Variants in AGO3 observed in about 807,000 individuals in gnomAD.
AGO3 encodes protein argonaute-3.
In AGO3, 16 loss-of-function variants were observed where a neutral mutation model predicts 105.5. That is an observed-to-expected ratio of 0.15 (90% CI 0.10 to 0.23). The LOEUF is 0.23. AGO3 is among the 10% of genes least tolerant of loss of function. The probability of loss-of-function intolerance (pLI) is 1.00; values close to 1 mark genes in which losing one functional copy is unlikely to be tolerated. For missense variants in AGO3, 534 were observed against 1,088.0 expected (o/e 0.49, Z 7.16); for synonymous variants, 340 against 367.3 (o/e 0.93, Z 0.85).
At chr1:36,018,666 C>G (rs1641043118) in intron 11 of AGO3, among the ~76,000 whole-genome samples, 1 of 151,990 alleles carries the variant, frequency 6.6e-6, no homozygotes, top group Non-Finnish European at 1.5e-5. Context: ...CTCCTGACCT[C>G]GTGATTCACC....
At chr1:36,043,862 TAA>T (rs572252684) in intron 17 of AGO3, among the ~76,000 whole-genome samples, 1 of 148,040 alleles carries the variant, frequency 6.8e-6, no homozygotes. Flanking sequence ...TATGCATCTT[TAA>T]AAAAAAAAGA....
rs1248675968 is a variant in AGO3 at position 36,048,754 on chromosome 1, A to G, written c.2274+5206A>G. On this transcript the variant is annotated intron_variant, in intron 17 of 18. Transcript: ENST00000373191. ...TTCCAGGCTGGAGTACAGTGGTGCA[A>G]TCTCAACTCACTGCAACCTCTGCCT... is the stretch of plus-strand genomic sequence containing the variant. Among the ~76,000 whole-genome samples, 5 of 152,072 alleles carry G rather than the reference A, an allele frequency of 3.3e-5. No individual in the cohort carries two copies. In the South Asian group the frequency reaches 6.2e-4, roughly 19 times the overall value.
At chr1:35,935,724 AATACC>A (rs1177645803) in intron 1 of AGO3, among the ~76,000 whole-genome samples, 1 of 152,234 alleles carries the variant, frequency 6.6e-6, no homozygotes, top group African/African-American at 2.4e-5. Context: ...ATTCTAGTTG[AATACC>A]ATTTTGCTTT....
Position 35,952,144 on chromosome 1 carries a change from C to T in AGO3, c.191+6281C>T, listed in dbSNP as rs201731604. On this transcript the variant is annotated intron_variant, in intron 2 of 18. Transcript: ENST00000373191. Reference sequence around the variant, plus strand: ...TCTTTCTTTCTTTCTTTCTTTCTTTCTTTCTTTTTTTTTTTTTTTTTTGAC... The same window carrying T: ...TCTTTCTTTCTTTCTTTCTTTCTTTTTTTCTTTTTTTTTTTTTTTTTTGAC... Among the ~76,000 whole-genome samples the T allele has an allele frequency of 3.0e-3, 205 of 67,952 alleles. 28 individuals are homozygous for T. The African/African-American group carries it at 0.037, about 12-fold the overall frequency. The allele number at this position is 67,952 out of a possible 152,430, so 44.6% of individuals were successfully genotyped here.
chr1:36,042,658 G>T (rs1326617572), intron 16 of AGO3, among the ~76,000 whole-genome samples: 4 of 152,112 alleles, frequency 2.6e-5, no homozygotes, highest in Non-Finnish European at 1.5e-5. Context: ...TAAATGTGTT[G>T]GGATAAGGCG....
At chr1:35,979,209 A>G (rs1467572519) in intron 5 of AGO3, among the ~76,000 whole-genome samples, 1 of 151,962 alleles carries the variant, frequency 6.6e-6, no homozygotes, top group Admixed American at 6.6e-5. Context: ...CTAAAAATAC[A>G]AAAAATTAGC....
At chr1:35,998,941 G>C (rs1197389031) in intron 5 of AGO3, among the ~76,000 whole-genome samples, 1 of 152,138 alleles carries the variant, frequency 6.6e-6, no homozygotes, top group Non-Finnish European at 1.5e-5. Flanking sequence ...ATAGGAATTT[G>C]TTTATGTATA....
chr1:35,937,953 T>C (rs932012508), intron 1 of AGO3, among the ~76,000 whole-genome samples: 18 of 152,132 alleles, frequency 1.2e-4, no homozygotes, highest in Non-Finnish European at 2.5e-4. Context: ...ACACAATATA[T>C]TTCTTTTTCC....
intron 1 of AGO3, among the ~76,000 whole-genome samples, chr1:35,945,258 T>C (rs1431139986): frequency 6.6e-6 from 1 of 151,904 alleles, no homozygotes; most frequent in Non-Finnish European, 1.5e-5. Context: ...TGGCACTGAG[T>C]CTGGAGCGTC....
chr1:35,968,658 C>T (rs1487537250), intron 3 of AGO3, among the ~76,000 whole-genome samples: 2 of 152,198 alleles, frequency 1.3e-5, no homozygotes, highest in African/African-American at 4.8e-5. Flanking sequence ...CTTCATGCAT[C>T]AATGGACACC....
Position 36,062,012 on chromosome 1 carries a change from T to C in AGO3, c.*6267T>C, listed in dbSNP as rs1046394314. ...CAAAATATTTAGTAGAATTACCTCT[T>C]TTAATTCCCAACTGTGTTGGAGGAA... On this transcript the variant is annotated 3_prime_UTR_variant, in exon 19 of 19. Coordinates refer to ENST00000373191, the MANE Select transcript of AGO3 (RefSeq NM_024852.4). 4 of 152,172 alleles carry C rather than the reference T, an allele frequency of 2.6e-5. No homozygotes were observed. Among genetic ancestry groups the C allele is most frequent in the African/African-American group, 9.7e-5 (4 of 41,444 alleles). The allele number at this position is 152,172 out of a possible 1,614,324, so 9.4% of individuals were successfully genotyped here.
At chr1:35,977,968 A>G (rs683622) in intron 5 of AGO3, among the ~76,000 whole-genome samples, 15,810 of 152,192 alleles carry the variant, frequency 0.1, 1,214 homozygotes, top group African/African-American at 0.21. Flanking sequence ...TAGTTAATGA[A>G]TGCTGATTGT....
At chr1:36,039,520 A>G (rs1313426621) in intron 14 of AGO3, among the ~76,000 whole-genome samples, 9 of 144,828 alleles carry the variant, frequency 6.2e-5, no homozygotes, top group Non-Finnish European at 1.2e-4. Context: ...AAAAAAAGAG[A>G]GAAAGAGAGA....
At chr1:35,971,632 T>C (rs774090072) in intron 3 of AGO3, among the ~76,000 whole-genome samples, 4 of 152,186 alleles carry the variant, frequency 2.6e-5, no homozygotes, top group Non-Finnish European at 4.4e-5. Flanking sequence ...GTGTTTCTTT[T>C]TGCAGAAGTA....
Position 36,043,483 on chromosome 1 carries a change from G to A in AGO3, c.2209G>A (p.Val737Ile), listed in dbSNP as rs370775699. Reference sequence around the variant, plus strand: ...TGGCAATATCCCAGCTGGAACAACAGTTGATACAGACATTACACACCCATA... The same window carrying A: ...TGGCAATATCCCAGCTGGAACAACAATTGATACAGACATTACACACCCATA... ...RSGNIPAGTT[V>I]DTDITHPYEF... is the part of the protein sequence containing the mutation. Residue 737 changes from valine to isoleucine, a missense_variant, in exon 17 of 19, where the codon GTT becomes ATT. Coordinates refer to ENST00000373191, the MANE Select transcript of AGO3 (RefSeq NM_024852.4). 1 of 1,613,934 alleles carries A rather than the reference G, an allele frequency of 6.2e-7. No individual in the cohort carries two copies. The highest frequency in any genetic ancestry group is 1.3e-5 in the African/African-American group (1 of 75,048).
At chr1:35,967,934 C>T (rs1335835884) in intron 3 of AGO3, among the ~76,000 whole-genome samples, 2 of 152,018 alleles carry the variant, frequency 1.3e-5, no homozygotes, top group East Asian at 3.8e-4. Context: ...TCGTTCTTTC[C>T]CCAGCCTTTT....
intron 11 of AGO3, among the ~76,000 whole-genome samples, chr1:36,016,431 C>T (rs998433934): frequency 4.6e-5 from 7 of 152,188 alleles, no homozygotes; most frequent in Admixed American, 2.0e-4. Flanking sequence ...ATCTGCCTGC[C>T]TCAGCTTCCC....
Position 36,008,597 on chromosome 1 carries a change from G to A in AGO3, c.794-93G>A, listed in dbSNP as rs1886343. 8.2e-7 allele frequency: 1 copy of A among 1,222,162 alleles called. No homozygotes were observed. The highest frequency in any genetic ancestry group is 1.5e-5 in the African/African-American group (1 of 65,116). 75.7% of individuals were successfully genotyped at this position (1,222,162 alleles called of 1,614,324 possible). On this transcript the variant is annotated intron_variant, in intron 6 of 18. Coordinates refer to ENST00000373191, the MANE Select transcript of AGO3 (RefSeq NM_024852.4). The surrounding 1 kb of genome is among the most constrained non-coding windows in gnomAD (Gnocchi z 5.1). ...TATCACAGAATTTTTTGTCTGTTCA[G>A]AATTGAGTTTTTATGGTAATGAACA...
At position 36,008,861 on chromosome 1, in the gene AGO3, G is replaced by A. The variant is rs775481458; in HGVS notation, c.882-36G>A. ...TTGGGAGTTTTTCTGGCTCATAATG[G>A]GCAAGAATTGTTCATGTGTACTTTT... is the stretch of plus-strand genomic sequence containing the variant. On this transcript the variant is annotated intron_variant, in intron 7 of 18. Coordinates refer to ENST00000373191, the MANE Select transcript of AGO3 (RefSeq NM_024852.4). The surrounding 1 kb of genome is among the most constrained non-coding windows in gnomAD (Gnocchi z 5.1). 3.7e-6 allele frequency: 6 copies of A among 1,613,848 alleles called. No individual in the cohort carries two copies. The highest frequency in any genetic ancestry group is 1.1e-5 in the South Asian group (1 of 91,068).
Sources: gnomAD v4.1 joint callset for allele counts (sites outside exome capture counted in the v4.1 genomes callset) on GRCh38, gnomAD v4.1.1 for gene constraint, Gnocchi (gnomAD v3.1) non-coding constraint, MANE v1.5 for transcripts, NCBI Gene and HGNC (gene_info 2026-07-23, HGNC 2026-07-21) for gene names.